The following PSMB7 variants were observed in gnomAD, a reference collection of about 807,000 sequenced individuals.
PSMB7 encodes proteasome subunit beta type-7.
Under a neutral mutation model 28.1 loss-of-function variants are expected in PSMB7, and 5 were observed. The ratio of observed to expected loss-of-function variants is 0.18; its 90% confidence interval spans 0.09 to 0.37. The LOEUF (loss-of-function observed/expected upper bound fraction) is 0.37. Ranked by LOEUF, PSMB7 falls within the 10% of genes least tolerant of loss-of-function variation. The probability of loss-of-function intolerance (pLI) is 1.00; values close to 1 mark genes in which losing one functional copy is unlikely to be tolerated. For synonymous variants in PSMB7, 122 were observed against 123.7 expected (o/e 0.99, Z 0.09); for missense variants, 275 against 346.2 (o/e 0.79, Z 1.63).
chr9:124,374,603 T>C (rs60638092), intron 6 of PSMB7, among the ~76,000 whole-genome samples: 4,885 of 152,290 alleles, frequency 0.032, 265 homozygotes, highest in African/African-American at 0.11. Context: ...GACAGTCAGA[T>C]CACTGGAGGC....
intron 5 of PSMB7, among the ~76,000 whole-genome samples, chr9:124,392,327 C>A (rs1035527282): frequency 6.6e-6 from 1 of 152,348 alleles, no homozygotes; most frequent in East Asian, 1.9e-4. Flanking sequence ...CCAAGAGGCA[C>A]AAGAGGTGGC....
chr9:124,404,334 T>C (rs890017842), intron 5 of PSMB7, among the ~76,000 whole-genome samples: 7 of 152,196 alleles, frequency 4.6e-5, no homozygotes, highest in African/African-American at 1.4e-4. Flanking sequence ...AGCATTTCCA[T>C]ATGAAGTTGA....
At chr9:124,393,572 A>C (rs1440751137) in intron 5 of PSMB7, among the ~76,000 whole-genome samples, 2 of 152,248 alleles carry the variant, frequency 1.3e-5, no homozygotes, top group African/African-American at 4.8e-5. Context: ...TTTCACTCAA[A>C]AGCTAATTCC....
chr9:124,414,754 G>T, intron 2 of PSMB7, 88 bp downstream of exon 2: 1 of 1,130,380 alleles, frequency 8.8e-7, no homozygotes, highest in Non-Finnish European at 1.3e-6. Context: ...TGCCTTTCCA[G>T]ACCGAGCCGG....
rs934859699 is a variant in PSMB7 at position 124,413,817 on chromosome 9, A to G, written c.254+91T>C. 5.7e-5 allele frequency: 48 copies of G among 840,710 alleles called. No homozygotes were observed. The African/African-American group carries it at 7.4e-4, about 13-fold the overall frequency. 52.1% of individuals were successfully genotyped at this position (840,710 alleles called of 1,614,324 possible). A position where few individuals can be genotyped will look rare whatever the true frequency, so the allele number is the denominator to read the frequency against. ...AGGGAGACAGAAAATACAGGTTGAA[A>G]AACAGGTTTTAGTAAGGAGCACAGG... On this transcript the variant is annotated intron_variant, in intron 3 of 7. Coordinates refer to ENST00000259457, the MANE Select transcript of PSMB7 (RefSeq NM_002799.4).
At position 124,359,531 on chromosome 9, in the gene PSMB7, G is replaced by A. The variant is rs552232428; in HGVS notation, c.571-2616C>T. Among the ~76,000 whole-genome samples, 5 of 152,282 alleles carry A rather than the reference G, an allele frequency of 3.3e-5. No homozygotes were observed. The East Asian group carries it at 7.7e-4, about 23-fold the overall frequency. ...TGACTTACACAAGGTCACACAGCAG[G>A]TAAACAAAAAATAGTAAAACAGGCC... On this transcript the variant is annotated intron_variant, in intron 6 of 7. Coordinates refer to ENST00000259457, the MANE Select transcript of PSMB7 (RefSeq NM_002799.4).
At chr9:124,406,115 C>T (rs1472581953) in intron 4 of PSMB7, among the ~76,000 whole-genome samples, 1 of 152,158 alleles carries the variant, frequency 6.6e-6, no homozygotes, top group Non-Finnish European at 1.5e-5. Flanking sequence ...AGCACTTTTC[C>T]CATCACACCT....
At chr9:124,394,959 T>G (rs1167915723) in intron 5 of PSMB7, among the ~76,000 whole-genome samples, 2 of 152,190 alleles carry the variant, frequency 1.3e-5, no homozygotes, top group Non-Finnish European at 2.9e-5. Flanking sequence ...AAAATGCATC[T>G]TATATTAATC....
intron 5 of PSMB7, among the ~76,000 whole-genome samples, chr9:124,398,172 C>CAA (rs11301732): frequency 1.2e-4 from 16 of 131,572 alleles, no homozygotes; most frequent in African/African-American, 3.5e-4. Context: ...GACTCCATCT[C>CAA]AAAAAAAAAA....
chr9:124,384,028 C>G (rs934608448), intron 6 of PSMB7: 1 of 152,106 alleles, frequency 6.6e-6, no homozygotes, highest in Non-Finnish European at 1.5e-5. Flanking sequence ...TCAGAAGATA[C>G]CACCTTCCCC....
intron 4 of PSMB7, among the ~76,000 whole-genome samples, chr9:124,406,511 A>G (rs1830966908): frequency 6.6e-6 from 1 of 151,418 alleles, no homozygotes; most frequent in Non-Finnish European, 1.5e-5. Flanking sequence ...AAAAAAAAAA[A>G]AAAAAAAAAG....
At chr9:124,367,402 C>T (rs564037008) in intron 6 of PSMB7, among the ~76,000 whole-genome samples, 29 of 152,246 alleles carry the variant, frequency 1.9e-4, no homozygotes, top group African/African-American at 7.0e-4. Flanking sequence ...TATTTCCCCC[C>T]ACTGCACCAG....
rs1831036413 is a variant in PSMB7 at position 124,412,342 on chromosome 9, G to A, written c.395+10C>T. 1 of 1,613,130 alleles carries A rather than the reference G, an allele frequency of 6.2e-7. No homozygotes were observed. The highest frequency in any genetic ancestry group is 1.1e-5 in the South Asian group (1 of 91,016). ...AGATACTAGTAGGAATCCCCATTCT[G>A]GAAACTTACCTGAAAAGCATCTGCT... On this transcript the variant is annotated intron_variant, in intron 4 of 7. Transcript: ENST00000259457.
At chr9:124,412,604 G>A (rs1044032345) in intron 3 of PSMB7, 112 bp from the exon 4 acceptor site, 1 of 1,109,316 alleles carries the variant, frequency 9.0e-7, no homozygotes, top group Non-Finnish European at 1.3e-6. Flanking sequence ...AGATGTTTTT[G>A]AGTATATCTA....
intron 4 of PSMB7, among the ~76,000 whole-genome samples, chr9:124,411,732 G>A (rs1564687925): frequency 6.6e-6 from 1 of 152,208 alleles, no homozygotes; most frequent in Non-Finnish European, 1.5e-5. Flanking sequence ...ATGAAGGTCA[G>A]GTCAGGCAAG....
chr9:124,407,298 T>C (rs973645710), intron 4 of PSMB7, among the ~76,000 whole-genome samples: 4 of 152,252 alleles, frequency 2.6e-5, no homozygotes, highest in African/African-American at 9.6e-5. Flanking sequence ...TGTTCCTTGA[T>C]TACCAAATTG....
chr9:124,395,195 T>C (rs1461371925), intron 5 of PSMB7, among the ~76,000 whole-genome samples: 1 of 152,144 alleles, frequency 6.6e-6, no homozygotes, highest in Non-Finnish European at 1.5e-5. Context: ...ACTTAAGATA[T>C]GAACCCAGGC....
intron 5 of PSMB7, among the ~76,000 whole-genome samples, chr9:124,392,573 A>G (rs1564682641): frequency 6.6e-6 from 1 of 152,214 alleles, no homozygotes; most frequent in East Asian, 1.9e-4. Flanking sequence ...CGTGTAAAGC[A>G]AAATGCTGGG....
At chr9:124,369,023 T>C (rs981714798) in intron 6 of PSMB7, among the ~76,000 whole-genome samples, 8 of 152,206 alleles carry the variant, frequency 5.3e-5, no homozygotes, top group Non-Finnish European at 1.0e-4. Flanking sequence ...GAACCAAAGT[T>C]AATGAGTCTT....
Sources: gnomAD v4.1 joint callset for allele counts (sites outside exome capture counted in the v4.1 genomes callset) on GRCh38, gnomAD v4.1.1 for gene constraint, MANE v1.5 for transcripts, NCBI Gene and HGNC (gene_info 2026-07-23, HGNC 2026-07-21) for gene names.